FANCM: variants seen among roughly 807,000 people sequenced by gnomAD.
FANCM encodes Fanconi anemia group M protein.
FANCM carries 140 observed loss-of-function variants against 199.5 expected under a neutral mutation model. The ratio of observed to expected loss-of-function variants is 0.70; its 90% CI spans 0.61 to 0.81. FANCM has a LOEUF of 0.81. Among genes scored for constraint, FANCM ranks in the 30% least tolerant of loss-of-function variants. The probability of loss-of-function intolerance (pLI) is 0.00; values close to 1 mark genes in which losing one functional copy is unlikely to be tolerated. For synonymous variants in FANCM, 840 were observed against 836.8 expected (o/e 1.00, Z -0.07); for missense variants, 2,410 against 2,421.4 (o/e 1.00, Z 0.10).
At position 45,200,260 on chromosome 14, in the gene FANCM, A is replaced by AG. The variant is rs112491585; in HGVS notation, c.*254dup. 1,124 of 167,066 alleles carry AG rather than the reference A, an allele frequency of 6.7e-3. 25 individuals are homozygous for AG. The highest frequency in any genetic ancestry group is 0.025 in the African/African-American group (1,062 of 41,810). The allele number at this position is 167,066 out of a possible 1,614,324, so 10.3% of individuals were successfully genotyped here. On this transcript the variant is annotated 3_prime_UTR_variant, in exon 23 of 23. Coordinates refer to ENST00000267430, the MANE Select transcript of FANCM (RefSeq NM_020937.4). ...ACAAGGTTTATTAAAAGTGTTACTA[A>AG]GGATAGTTTAAGAAAGTAAAAGCTA...
rs1566782787 is a variant in FANCM, at chr14:45,189,023, T to A, written c.5001T>A (p.Ile1667=). The A allele has an allele frequency of 4.3e-6, 7 of 1,613,776 alleles. No homozygotes were observed. The South Asian group carries it at 5.5e-5, about 13-fold the overall frequency. Residue 1667 remains isoleucine (I), a synonymous_variant, in exon 20 of 23, where the codon ATT becomes ATA. Transcript: ENST00000267430. ...CAHSKKKLSR[I]ILPDDSSEEE... The stretch of plus-strand genomic sequence containing the variant: ...ATTCAAAAAAGAAATTATCCAGAAT[T>A]ATTTTACCAGATGATTCAAGTGAGG...
Position 45,179,557 on chromosome 14 carries a change from CTTTCTTTTTTT to C in FANCM, c.4223-1869_4223-1859del, listed in dbSNP as rs532005727. Among the ~76,000 whole-genome samples, 312 of 123,402 alleles carry C rather than the reference CTTTCTTTTTTT, an allele frequency of 2.5e-3. 1 individual carries two copies. Among genetic ancestry groups the C allele is most frequent in the Middle Eastern group, 4.8e-3 (1 of 210 alleles). 81.0% of individuals were successfully genotyped at this position (123,402 alleles called of 152,430 possible). A position where few individuals can be genotyped will look rare whatever the true frequency, so the allele number is the denominator to read the frequency against. On this transcript the variant is annotated intron_variant, in intron 14 of 22. Coordinates refer to ENST00000267430, the MANE Select transcript of FANCM (RefSeq NM_020937.4). Reference sequence around the variant, plus strand: ...ATAGATTAGGTACATCATTTTCTTTCTTTCTTTTTTTTTTTTTTTTTTTTGAGACAGTCTCA... The same window carrying C: ...ATAGATTAGGTACATCATTTTCTTTCTTTTTTTTTTTTTGAGACAGTCTCA...
At chr14:45,198,976 G>T (rs376516317) in intron 22 of FANCM, 41 bp downstream of exon 22, 2 of 1,477,004 alleles carry the variant, frequency 1.4e-6, no homozygotes, top group East Asian at 2.3e-5. Context: ...ACTTTTAAAA[G>T]ATTCGTAAAA....
At position 45,185,322 on chromosome 14, in the gene FANCM, T is replaced by A. The variant is rs1433736876; in HGVS notation, c.4621T>A (p.Ser1541Thr). Reference sequence around the variant, plus strand: ...TGAGTCAGAAAATGAACAAGATTCCTCATTACTTGACTTTTTAAATGATGA... The same window carrying A: ...TGAGTCAGAAAATGAACAAGATTCCACATTACTTGACTTTTTAAATGATGA... ...NDESENEQDS[S>T]LLDFLNDETQ... The change falls in exon 18 of 23, where the codon TCA becomes ACA. Residue 1541 changes from serine to threonine, a missense_variant. Coordinates refer to ENST00000267430, the MANE Select transcript of FANCM (RefSeq NM_020937.4). 6.3e-7 allele frequency: 1 copy of A among 1,595,648 alleles called. No individual in the cohort carries two copies.
At chr14:45,151,279 T>G in intron 4 of FANCM, 118 bp from the exon 5 acceptor site, 1 of 812,822 alleles carries the variant, frequency 1.2e-6, no homozygotes, top group East Asian at 2.7e-5. Flanking sequence ...TACTTAAACA[T>G]TCATTGTAAG....
chr14:45,195,379 C>T, intron 20 of FANCM: 1 of 364,344 alleles, frequency 2.7e-6, no homozygotes, highest in Non-Finnish European at 5.5e-6. Context: ...ACCTCTCTAC[C>T]AGATATTAAG....
At chr14:45,144,752 G>A (rs917203716) in intron 3 of FANCM, among the ~76,000 whole-genome samples, 2 of 152,132 alleles carry the variant, frequency 1.3e-5, no homozygotes, top group Non-Finnish European at 2.9e-5. Flanking sequence ...TTCCCCTCTG[G>A]CCTGGGACAG....
chr14:45,174,505 A>G (rs1888539122), intron 13 of FANCM, among the ~76,000 whole-genome samples: 1 of 152,164 alleles, frequency 6.6e-6, no homozygotes, highest in African/African-American at 2.4e-5. Flanking sequence ...TGTAAGTTTT[A>G]GCTAATAACT....
chr14:45,178,719 G>A (rs1239799214), intron 14 of FANCM, among the ~76,000 whole-genome samples: 1 of 152,172 alleles, frequency 6.6e-6, no homozygotes. Context: ...ACTCAAGTTT[G>A]TCTGTCTGGG....
intron 1 of FANCM, among the ~76,000 whole-genome samples, chr14:45,136,795 T>G (rs1410243359): frequency 6.6e-6 from 1 of 152,226 alleles, no homozygotes; most frequent in Non-Finnish European, 1.5e-5. Flanking sequence ...GCATTCTTCC[T>G]GAAAAAGATT....
At chr14:45,145,954 G>T (rs1222387212) in intron 3 of FANCM, among the ~76,000 whole-genome samples, 1 of 149,922 alleles carries the variant, frequency 6.7e-6, no homozygotes, top group Non-Finnish European at 1.5e-5. Flanking sequence ...AGCTACTTGG[G>T]AGGCTGAGGC....
rs1314529344 is a variant in FANCM, at chr14:45,159,299, G to GATAAAA, written c.1581+30_1581+35dup. On this transcript the variant is annotated intron_variant, in intron 9 of 22. Transcript: ENST00000267430. ...ACTGGAGGTAATTATTTTTGGAATT[G>GATAAAA]ATAAAAATAAAAATAAGATTGATTA... 5 of 1,583,036 alleles carry GATAAAA rather than the reference G, an allele frequency of 3.2e-6. No homozygotes were observed. The highest frequency in any genetic ancestry group is 1.3e-5 in the African/African-American group (1 of 74,166).
In FANCM at chr14:45,144,741, G is replaced by T. The variant is rs147196610; in HGVS notation, c.759+4032G>T. Among the ~76,000 whole-genome samples, 863 of 152,288 alleles carry T rather than the reference G, an allele frequency of 5.7e-3. 13 individuals carry two copies. The highest frequency in any genetic ancestry group is 0.02 in the African/African-American group (816 of 41,554). On this transcript the variant is annotated intron_variant, in intron 3 of 22. Coordinates refer to ENST00000267430, the MANE Select transcript of FANCM (RefSeq NM_020937.4). ...TGGGACTCACCCTTCAGAGAAGTGG[G>T]TTCCCCTCTGGCCTGGGACAGTTTC...
intron 14 of FANCM, among the ~76,000 whole-genome samples, chr14:45,177,577 A>G (rs905618151): frequency 5.9e-5 from 9 of 152,070 alleles, no homozygotes; most frequent in African/African-American, 2.2e-4. Flanking sequence ...TTTTTAATAG[A>G]GGTGGGGTTT....
At chr14:45,152,725 A>G (rs563795273) in intron 5 of FANCM, among the ~76,000 whole-genome samples, 1 of 152,340 alleles carries the variant, frequency 6.6e-6, no homozygotes, top group African/African-American at 2.4e-5. Context: ...TATAGGTTGT[A>G]CTACATGAGA....
chr14:45,199,831 A>C, intron 22 of FANCM, 39 bp from the exon 23 acceptor site: 1 of 1,601,052 alleles, frequency 6.2e-7, no homozygotes, highest in Non-Finnish European at 8.5e-7. Flanking sequence ...TAAAAGCCAA[A>C]AGTCCTAGTG....
At chr14:45,198,016 C>T (rs868244506) in intron 21 of FANCM, among the ~76,000 whole-genome samples, 1 of 150,272 alleles carries the variant, frequency 6.7e-6, no homozygotes, top group Non-Finnish European at 1.5e-5. Context: ...ATCTTCCTGC[C>T]TCAGCCTCCC....
rs114102024 is a variant in FANCM at position 45,159,819 on chromosome 14, G to C, written c.1581+539G>C. The stretch of plus-strand genomic sequence containing the variant: ...GAGGACATTCGGTTTTCTAAGTGCT[G>C]TGATGTTTTGAGGGAAATTTTACAT... On this transcript the variant is annotated intron_variant, in intron 9 of 22. Coordinates refer to ENST00000267430, the MANE Select transcript of FANCM (RefSeq NM_020937.4). Among the ~76,000 whole-genome samples, 1,240 of 152,174 alleles carry C rather than the reference G, an allele frequency of 8.1e-3. 16 individuals carry two copies. Among genetic ancestry groups the C allele is most frequent in the African/African-American group, 0.028 (1,179 of 41,536 alleles).
In FANCM at chr14:45,143,368, T is replaced by C. The variant is rs1886117515; in HGVS notation, c.759+2659T>C. On this transcript the variant is annotated intron_variant, in intron 3 of 22. Coordinates refer to ENST00000267430, the MANE Select transcript of FANCM (RefSeq NM_020937.4). ...CTTTTGTAGAGACAGGGTCTCCCAT[T>C]GTTGCCCAGGCTGGTCTAGAACTAC... Among the ~76,000 whole-genome samples, 3 of 151,948 alleles carry C rather than the reference T, an allele frequency of 2.0e-5. No homozygotes were observed. The South Asian group carries it at 6.2e-4, about 31-fold the overall frequency.
Sources: gnomAD v4.1 joint callset for allele counts (sites outside exome capture counted in the v4.1 genomes callset) on GRCh38, gnomAD v4.1.1 for gene constraint, MANE v1.5 for transcripts, NCBI Gene and HGNC (gene_info 2026-07-23, HGNC 2026-07-21) for gene names.